The following CD96 variants were observed in gnomAD, a reference collection of about 807,000 sequenced individuals.
The protein encoded by CD96 is T-cell surface protein tactile.
In CD96, 70 loss-of-function variants were observed where a neutral mutation model predicts 71.3. The ratio of observed to expected loss-of-function variants is 0.98; its 90% CI spans 0.81 to 1.20. The LOEUF (loss-of-function observed/expected upper bound fraction) is 1.20. CD96 is among the 50% of genes most tolerant of loss of function. The pLI, the probability that CD96 is intolerant of heterozygous loss-of-function variation, is 0.00. For synonymous variants in CD96, 248 were observed against 233.0 expected, an observed-to-expected ratio of 1.06 and a Z score of -0.59; for missense variants, 742 against 677.5, an observed-to-expected ratio of 1.10 and a Z score of -1.06.
At chr3:111,564,528 T>C (rs1935612297) in intron 2 of CD96, among the ~76,000 whole-genome samples, 1 of 152,162 alleles carries the variant, frequency 6.6e-6, no homozygotes, top group Non-Finnish European at 1.5e-5. Flanking sequence ...GTAAGCTTTT[T>C]TCTTCCACTG....
chr3:111,648,485 A>G lies in CD96; in HGVS notation c.1601+819A>G, dbSNP rs140085296. On this transcript the variant is annotated intron_variant, in intron 13 of 13. Coordinates refer to ENST00000352690, the MANE Select transcript of CD96 (RefSeq NM_005816.5). ...AATTCTGGATTATTTTCCAAGGACT[A>G]CAATTTGGCCACCACATGACCTTGA... is the stretch of plus-strand genomic sequence containing the variant. Among the ~76,000 whole-genome samples, 49 of 152,326 alleles carry G rather than the reference A, an allele frequency of 3.2e-4. No homozygotes were observed. In the East Asian group the frequency reaches 8.9e-3, roughly 28 times the overall value.
chr3:111,650,125 G>A lies in CD96; in HGVS notation c.*319G>A, dbSNP rs868610315. On this transcript the variant is annotated 3_prime_UTR_variant, in exon 14 of 14. Transcript: ENST00000352690. The stretch of plus-strand genomic sequence containing the variant: ...TTTTCATTTAAATTCTCTGATGGAG[G>A]GACAACAATGGTTTCAACTGTATGC... 5.4e-5 allele frequency: 19 copies of A among 349,150 alleles called. No homozygotes were observed. The highest frequency in any genetic ancestry group is 3.5e-4 in the Admixed American group (9 of 25,998). 21.6% of individuals were successfully genotyped at this position (349,150 alleles called of 1,614,324 possible).
chr3:111,560,342 G>C (rs1176031382), intron 2 of CD96, among the ~76,000 whole-genome samples: 10 of 151,914 alleles, frequency 6.6e-5, no homozygotes, highest in African/African-American at 2.4e-4. Context: ...TGCAGCAGCT[G>C]GTACCAGTTG....
chr3:111,587,715 A>T (rs1288630502), intron 5 of CD96, among the ~76,000 whole-genome samples: 1 of 152,214 alleles, frequency 6.6e-6, no homozygotes, highest in African/African-American at 2.4e-5. Flanking sequence ...TCTGAAATGT[A>T]GGCAGAGGTT....
intron 12 of CD96, among the ~76,000 whole-genome samples, chr3:111,641,515 T>G (rs964357697): frequency 6.6e-6 from 1 of 152,126 alleles, no homozygotes; most frequent in African/African-American, 2.4e-5. Context: ...CTAATAGACC[T>G]AAGAAATGAG....
At chr3:111,572,906 C>G (rs1936049726) in intron 3 of CD96, among the ~76,000 whole-genome samples, 1 of 152,138 alleles carries the variant, frequency 6.6e-6, no homozygotes, top group East Asian at 1.9e-4. Flanking sequence ...ACAGACTCTG[C>G]ATTTTGGGAA....
chr3:111,565,034 C>T (rs933776265), intron 2 of CD96, among the ~76,000 whole-genome samples: 11 of 152,144 alleles, frequency 7.2e-5, no homozygotes, highest in Admixed American at 7.2e-4. Context: ...GCACTGACAA[C>T]CTTTTTCTTA....
chr3:111,544,982 T>A (rs1934312182), intron 1 of CD96, 64 bp from the exon 2 acceptor site: 8 of 1,407,280 alleles, frequency 5.7e-6, no homozygotes, highest in Non-Finnish European at 8.0e-6. Context: ...GTGACTAGGG[T>A]TTTTAATTAA....
chr3:111,633,849 G>A (rs1248680666), intron 10 of CD96: 4 of 152,602 alleles, frequency 2.6e-5, no homozygotes, highest in South Asian at 4.1e-4. Flanking sequence ...TTGTATCTCC[G>A]GATATTGTTT....
chr3:111,595,972 G>C (rs1399235895), intron 5 of CD96, among the ~76,000 whole-genome samples: 1 of 151,858 alleles, frequency 6.6e-6, no homozygotes, highest in Non-Finnish European at 1.5e-5. Context: ...GGCCAGCTTG[G>C]CCAACATTGT....
intron 7 of CD96, among the ~76,000 whole-genome samples, chr3:111,602,622 T>G (rs541462058): frequency 6.6e-6 from 1 of 152,228 alleles, no homozygotes; most frequent in Non-Finnish European, 1.5e-5. Flanking sequence ...CATCACTGTA[T>G]TATGTCTCCC....
chr3:111,594,494 T>C (rs1216219415), intron 5 of CD96: 1 of 330,352 alleles, frequency 3.0e-6, no homozygotes, highest in Non-Finnish European at 5.8e-6. Flanking sequence ...ACATATCAGT[T>C]CCTGTAGCAA....
intron 2 of CD96, among the ~76,000 whole-genome samples, chr3:111,549,389 T>C (rs908997004): frequency 3.3e-5 from 5 of 152,210 alleles, no homozygotes; most frequent in Non-Finnish European, 7.3e-5. Context: ...GATTGATTAG[T>C]CCATTTAAGG....
intron 2 of CD96, among the ~76,000 whole-genome samples, chr3:111,564,726 C>G (rs189935273): frequency 1.3e-5 from 2 of 152,024 alleles, no homozygotes; most frequent in African/African-American, 4.8e-5. Flanking sequence ...ATAGGTTATT[C>G]TATCTCATTC....
Position 111,598,218 on chromosome 3 carries a change from A to C in CD96, c.898+8A>C, listed in dbSNP as rs773504017. Reference sequence around the variant, plus strand: ...TTCATGATGAAAAAGAAGGTAAGGAAACTAATCAATGGAAATAAGTTCGGT... The same window carrying C: ...TTCATGATGAAAAAGAAGGTAAGGACACTAATCAATGGAAATAAGTTCGGT... On this transcript the variant is annotated splice_region_variant and intron_variant, in intron 6 of 13. Transcript: ENST00000352690. 1.8e-6 allele frequency: 2 copies of C among 1,130,414 alleles called. No homozygotes were observed. The highest frequency in any genetic ancestry group is 3.4e-5 in the Admixed American group (2 of 59,416). The allele number at this position is 1,130,414 out of a possible 1,614,324, so 70.0% of individuals were successfully genotyped here.
chr3:111,582,642 G>T (rs1036513592), intron 4 of CD96, among the ~76,000 whole-genome samples: 3 of 152,170 alleles, frequency 2.0e-5, no homozygotes, highest in Admixed American at 6.5e-5. Flanking sequence ...TGGACTTAAA[G>T]TTCCACATGG....
intron 3 of CD96, chr3:111,570,671 G>A (rs1477446612): frequency 8.1e-6 from 13 of 1,610,798 alleles, no homozygotes; most frequent in Non-Finnish European, 9.3e-6. Flanking sequence ...CAAAGCATTT[G>A]CCCTGGTAGG....
chr3:111,659,094 C>T (rs1940297153), intron 14 of CD96, among the ~76,000 whole-genome samples: 1 of 152,202 alleles, frequency 6.6e-6, no homozygotes, highest in African/African-American at 2.4e-5. Flanking sequence ...ATTTCAATTG[C>T]TTCCTGATTT....
chr3:111,561,798 C>T (rs1242516458), intron 2 of CD96, among the ~76,000 whole-genome samples: 37 of 150,520 alleles, frequency 2.5e-4, no homozygotes, highest in African/African-American at 6.6e-4. Context: ...GCGGGCGCCC[C>T]TCCCCCAGCC....
Sources: allele counts gnomAD v4.1 joint callset (sites outside exome capture counted in the v4.1 genomes callset), GRCh38; gene constraint gnomAD v4.1.1; transcripts MANE v1.5; gene names NCBI Gene and HGNC (gene_info 2026-07-23, HGNC 2026-07-21).